Variants in MYBL1 observed in about 807,000 individuals in gnomAD.
MYBL1 encodes MYB proto-oncogene like 1.
Under a neutral mutation model 96.3 loss-of-function variants are expected in MYBL1, and 17 were observed. That is an observed-to-expected ratio of 0.18 (90% CI 0.12 to 0.26). The LOEUF (loss-of-function observed/expected upper bound fraction) is 0.26. MYBL1 is among the 10% of genes least tolerant of loss of function. The pLI, the probability that MYBL1 is intolerant of heterozygous loss-of-function variation, is 1.00. For missense variants in MYBL1, 701 were observed against 882.9 expected, an observed-to-expected ratio of 0.79 and a Z score of 2.61; for synonymous variants, 282 against 292.7, an observed-to-expected ratio of 0.96 and a Z score of 0.37.
chr8:66,608,047 A>ACATTTAAT, intron 1 of MYBL1, among the ~76,000 whole-genome samples: 1 of 152,192 alleles, frequency 6.6e-6, no homozygotes, highest in East Asian at 1.9e-4. Context: ...AATCTACATC[A>ACATTTAAT]CATTTAATCA....
chr8:66,601,901 A>C, intron 2 of MYBL1, 132 bp from the exon 3 acceptor site: 1 of 451,394 alleles, frequency 2.2e-6, no homozygotes. Context: ...CCACTATAAT[A>C]CAAATTCTTC....
chr8:66,565,868 T>C (rs371414372), intron 15 of MYBL1, among the ~76,000 whole-genome samples, 196 bp downstream of exon 15: 2 of 152,226 alleles, frequency 1.3e-5, no homozygotes, highest in African/African-American at 4.8e-5. Context: ...ACAGCTTCAA[T>C]TGTTTAGTTT....
At chr8:66,583,408 A>G (rs1004290008) in intron 8 of MYBL1, among the ~76,000 whole-genome samples, 2 of 152,164 alleles carry the variant, frequency 1.3e-5, no homozygotes, top group Non-Finnish European at 2.9e-5. Context: ...CAAATAAACA[A>G]TGTAGCTAGA....
intron 8 of MYBL1, among the ~76,000 whole-genome samples, chr8:66,591,358 A>T (rs1809636901): frequency 6.6e-6 from 1 of 151,758 alleles, no homozygotes; most frequent in African/African-American, 2.4e-5. Flanking sequence ...AAAAAAAAAA[A>T]ATTTTTTTTT....
At chr8:66,601,653 C>T (rs1013116232) in intron 3 of MYBL1, 45 bp downstream of exon 3, 4 of 1,116,156 alleles carry the variant, frequency 3.6e-6, no homozygotes, top group Admixed American at 2.4e-5. Context: ...TAACCCAATG[C>T]CTTAAACCAG....
rs1443149747 is a variant in MYBL1, at chr8:66,613,044, C to T, written c.-206G>A. On this transcript the variant is annotated 5_prime_UTR_variant, in exon 1 of 16. Transcript: ENST00000522677. ...ACCCGACCCCGACCCCGGCCCGCAG[C>T]GCCGCTCTTAGCCCCGGCCCGGCCC... 3 of 479,432 alleles carry T rather than the reference C, an allele frequency of 6.3e-6. No individual in the cohort carries two copies. Among genetic ancestry groups the T allele is most frequent in the Non-Finnish European group, 1.0e-5 (3 of 296,530 alleles). 29.7% of individuals were successfully genotyped at this position (479,432 alleles called of 1,614,324 possible).
At chr8:66,579,458 A>G (rs1809112088) in intron 9 of MYBL1, among the ~76,000 whole-genome samples, 1 of 152,020 alleles carries the variant, frequency 6.6e-6, no homozygotes, top group Admixed American at 6.6e-5. Context: ...GGAGTTCAAG[A>G]CCAGCCTGGC....
intron 10 of MYBL1, among the ~76,000 whole-genome samples, chr8:66,574,403 T>A (rs1808854332): frequency 6.6e-6 from 1 of 152,288 alleles, no homozygotes; most frequent in African/African-American, 2.4e-5. Flanking sequence ...CTTCACTTTC[T>A]CCAGTGCTTT....
intron 3 of MYBL1, 105 bp downstream of exon 3, chr8:66,601,593 G>A (rs1241897488): frequency 3.1e-6 from 2 of 635,062 alleles, no homozygotes; most frequent in Admixed American, 6.4e-5. Context: ...TTTTTAGGAA[G>A]GAAACCTAAA....
At chr8:66,590,843 G>A (rs756053234) in intron 8 of MYBL1, among the ~76,000 whole-genome samples, 4 of 152,100 alleles carry the variant, frequency 2.6e-5, no homozygotes, top group African/African-American at 9.7e-5. Flanking sequence ...ACAAGTTCTA[G>A]TGTTCTATAT....
rs1809063097 is a variant in MYBL1 at position 66,578,525 on chromosome 8, A to T, written c.1101+1608T>A. 2.6e-5 allele frequency among the ~76,000 whole-genome samples: 4 copies of T among 152,124 alleles called. No individual in the cohort carries two copies. In the South Asian group the frequency reaches 8.3e-4, roughly 32 times the overall value. On this transcript the variant is annotated intron_variant, in intron 9 of 15. Coordinates refer to ENST00000522677, the MANE Select transcript of MYBL1 (RefSeq NM_001080416.4). ...TCAGAGAAATGCAAATCAAAACCAC[A>T]ATGAGATACCATCTCACACCAGTTA... is the stretch of plus-strand genomic sequence containing the variant.
chr8:66,589,244 T>C (rs1809539721), intron 8 of MYBL1, among the ~76,000 whole-genome samples: 1 of 152,160 alleles, frequency 6.6e-6, no homozygotes, highest in Non-Finnish European at 1.5e-5. Flanking sequence ...TAAGATTCTA[T>C]TAAAAATCCA....
chr8:66,563,712 TATTAA>T lies in MYBL1; in HGVS notation c.*980_*984del, dbSNP rs1362504114. Reference sequence around the variant, plus strand: ...CCCCCGATATAATTTAAAAAGAAAATATTAAATTATTATTTAGTACATTTTTAGAA... The same window carrying T: ...CCCCCGATATAATTTAAAAAGAAAATATTATTATTTAGTACATTTTTAGAA... On this transcript the variant is annotated 3_prime_UTR_variant, in exon 16 of 16. Transcript: ENST00000522677. 4 of 152,176 alleles carry T rather than the reference TATTAA, an allele frequency of 2.6e-5. No individual in the cohort carries two copies. Among genetic ancestry groups the T allele is most frequent in the Non-Finnish European group, 1.5e-5 (1 of 67,926 alleles). 9.4% of individuals were successfully genotyped at this position (152,176 alleles called of 1,614,324 possible). A position where few individuals can be genotyped will look rare whatever the true frequency, so the allele number is the denominator to read the frequency against.
chr8:66,599,346 CAAATAA>C (rs1023974061), intron 3 of MYBL1, among the ~76,000 whole-genome samples: 7 of 152,054 alleles, frequency 4.6e-5, no homozygotes, highest in African/African-American at 1.7e-4. Context: ...GCTTAGACTA[CAAATAA>C]AAACAATTTA....
chr8:66,611,810 G>A (rs148996146), intron 1 of MYBL1, among the ~76,000 whole-genome samples: 1 of 152,324 alleles, frequency 6.6e-6, no homozygotes, highest in East Asian at 1.9e-4. Flanking sequence ...GCAGAACTCT[G>A]CAATGAATGA....
At chr8:66,564,854 A>C in intron 15 of MYBL1, 29 bp from the exon 16 acceptor site, 1 of 1,463,966 alleles carries the variant, frequency 6.8e-7, no homozygotes, top group Non-Finnish European at 9.3e-7. Flanking sequence ...TAGTGACATG[A>C]AAATTATTAA....
rs1484538933 is a variant in MYBL1 at position 66,612,850 on chromosome 8, C to A, written c.-12G>T. ...GACCTCTTCGCCATCCTTCAAGTAC[C>A]GCATAGGAGCAGGCTGGGCGGGGAC... On this transcript the variant is annotated 5_prime_UTR_variant, in exon 1 of 16. Coordinates refer to ENST00000522677, the MANE Select transcript of MYBL1 (RefSeq NM_001080416.4). 4.4e-6 allele frequency: 6 copies of A among 1,368,912 alleles called. No homozygotes were observed. Among genetic ancestry groups the A allele is most frequent in the Admixed American group, 5.9e-5 (2 of 33,948 alleles). 84.8% of individuals were successfully genotyped at this position (1,368,912 alleles called of 1,614,324 possible).
chr8:66,612,954 G>A lies in MYBL1; in HGVS notation c.-116C>T. The A allele has an allele frequency of 8.6e-7, 1 of 1,167,350 alleles. No individual in the cohort carries two copies. The highest frequency in any genetic ancestry group is 3.4e-5 in the South Asian group (1 of 29,538). The allele number at this position is 1,167,350 out of a possible 1,614,324, so 72.3% of individuals were successfully genotyped here. ...GCCGCTTCCCTCGCTCCCTCTGGAG[G>A]CGGCCGAGTGCGGAACGCACGTCCT... On this transcript the variant is annotated 5_prime_UTR_variant, in exon 1 of 16. Coordinates refer to ENST00000522677, the MANE Select transcript of MYBL1 (RefSeq NM_001080416.4).
At position 66,602,540 on chromosome 8, in the gene MYBL1, ATT is replaced by A; in HGVS notation, c.21-19_21-18del. ...TCATCCTCACTACAAAAAAAACACA[ATT>A]TGTGATATCAAGAATTTTATTTAAA... On this transcript the variant is annotated intron_variant, in intron 1 of 15. Transcript: ENST00000522677. 1 of 1,534,900 alleles carries A rather than the reference ATT, an allele frequency of 6.5e-7. No individual in the cohort carries two copies. The highest frequency in any genetic ancestry group is 1.2e-5 in the South Asian group (1 of 85,370).
Sources: gnomAD v4.1 joint callset for allele counts (sites outside exome capture counted in the v4.1 genomes callset) on GRCh38, gnomAD v4.1.1 for gene constraint, MANE v1.5 for transcripts, NCBI Gene and HGNC (gene_info 2026-07-23, HGNC 2026-07-21) for gene names.